The following FBLN7 variants were observed in gnomAD, a reference collection of about 807,000 sequenced individuals.
FBLN7 encodes fibulin-7.
FBLN7 carries 31 observed loss-of-function variants against 44.0 expected under a neutral mutation model. The ratio of observed to expected loss-of-function variants is 0.70; its 90% confidence interval spans 0.53 to 0.95. The LOEUF is 0.95. Among genes scored for constraint, FBLN7 ranks in the 40% least tolerant of loss-of-function variants. The probability of loss-of-function intolerance (pLI) is 0.00; values close to 1 mark genes in which losing one functional copy is unlikely to be tolerated. For synonymous variants in FBLN7, 262 were observed against 253.4 expected (o/e 1.03, Z -0.32); for missense variants, 573 against 618.5 (o/e 0.93, Z 0.78).
chr2:112,187,590 G>A lies in FBLN7; in HGVS notation c.*84G>A. On this transcript the variant is annotated 3_prime_UTR_variant, in exon 8 of 8. Coordinates refer to ENST00000331203, the MANE Select transcript of FBLN7 (RefSeq NM_153214.3). The surrounding 1 kb of genome is among the most constrained non-coding windows in gnomAD (Gnocchi z 5.1). ...CAGCTTCGGGCACCGACTGCGTGGA[G>A]CCTCCCGCCTGTTCCCGCCCTCTCA... 2 of 1,544,690 alleles carry A rather than the reference G, an allele frequency of 1.3e-6. No individual in the cohort carries two copies. The highest frequency in any genetic ancestry group is 1.8e-6 in the Non-Finnish European group (2 of 1,141,060).
At chr2:112,194,275 A>T in the FBLN7 span, among the ~76,000 whole-genome samples, 1 of 152,234 alleles carries the variant, frequency 6.6e-6, no homozygotes, top group Non-Finnish European at 1.5e-5. Context: ...GTAAACACTT[A>T]GAGATTTTCA....
chr2:112,144,546 A>T (rs1573760087), intron 1 of FBLN7, among the ~76,000 whole-genome samples: 2 of 119,798 alleles, frequency 1.7e-5, no homozygotes, highest in Non-Finnish European at 1.6e-5. Flanking sequence ...TTTTTTTGAG[A>T]CGGAGTCTTG....
chr2:112,156,266 T>A (rs1040728561), intron 1 of FBLN7, among the ~76,000 whole-genome samples: 1 of 152,054 alleles, frequency 6.6e-6, no homozygotes, highest in Non-Finnish European at 1.5e-5. Flanking sequence ...TCCATTGGGG[T>A]GGCCGGCGGG....
chr2:112,238,671 C>T, the FBLN7 span: 2 of 522,956 alleles, frequency 3.8e-6, no homozygotes, highest in Non-Finnish European at 6.3e-6. Context: ...CTATTCTCTC[C>T]ACTCATATAT....
At chr2:112,232,748 T>A in the FBLN7 span, among the ~76,000 whole-genome samples, 1 of 152,170 alleles carries the variant, frequency 6.6e-6, no homozygotes, top group Non-Finnish European at 1.5e-5. Context: ...AGAAAAAAAT[T>A]TTTTTGTGAT....
the FBLN7 span, among the ~76,000 whole-genome samples, chr2:112,240,129 T>C: frequency 1.2e-4 from 19 of 152,186 alleles, no homozygotes; most frequent in Non-Finnish European, 2.2e-4. Flanking sequence ...CTTTTCCCCA[T>C]TAACACCATA....
rs550835362 is a variant in FBLN7, at chr2:112,171,938, A to G, written c.407-3776A>G. Among the ~76,000 whole-genome samples the G allele has an allele frequency of 4.3e-3, 655 of 152,272 alleles. 4 individuals are homozygous for G. The highest frequency in any genetic ancestry group is 0.015 in the African/African-American group (604 of 41,556). On this transcript the variant is annotated intron_variant, in intron 3 of 7. Transcript: ENST00000331203. ...ATTTTTTTGTATTTTTAGTAAAGAC[A>G]GGGTTTCACCGTGTTAGCCAGGATG... is the stretch of plus-strand genomic sequence containing the variant.
At chr2:112,160,738 GCACA>G (rs3080965) in intron 2 of FBLN7, among the ~76,000 whole-genome samples, 13 of 135,348 alleles carry the variant, frequency 9.6e-5, no homozygotes, top group East Asian at 6.6e-4. Context: ...GCACGCACAC[GCACA>G]CACGCGCACG....
chr2:112,195,260 T>C, the FBLN7 span, among the ~76,000 whole-genome samples: 25 of 152,374 alleles, frequency 1.6e-4, no homozygotes, highest in African/African-American at 5.8e-4. Flanking sequence ...TCTAGTTTCT[T>C]AGCTCAGGGA....
At chr2:112,151,571 C>A (rs1244526062) in intron 1 of FBLN7, 1 of 152,240 alleles carries the variant, frequency 6.6e-6, no homozygotes, top group Non-Finnish European at 1.5e-5. Flanking sequence ...CACCATGGAG[C>A]TGACAGAATG....
At chr2:112,227,281 T>C in the FBLN7 span, among the ~76,000 whole-genome samples, 2 of 152,164 alleles carry the variant, frequency 1.3e-5, no homozygotes, top group Non-Finnish European at 2.9e-5. Flanking sequence ...TCCCAGCACT[T>C]TGGGAGGCCG....
At position 112,165,107 on chromosome 2, in the gene FBLN7, C is replaced by T. The variant is rs759204746; in HGVS notation, c.342C>T (p.Val114=). 3.7e-6 allele frequency: 6 copies of T among 1,614,054 alleles called. No individual in the cohort carries two copies. The highest frequency in any genetic ancestry group is 1.3e-5 in the African/African-American group (1 of 74,920). The change falls in exon 3 of 8, where the codon GTC becomes GTT. Residue 114 remains valine (V), a synonymous_variant. Transcript: ENST00000331203. ...HFTCNPGFRL[V]GPSSVVCLPN... The stretch of plus-strand genomic sequence containing the variant: ...CCTGCAACCCTGGGTTCCGGCTGGT[C>T]GGGCCCAGCAGCGTGGTGTGTCTTC...
chr2:112,184,631 G>T (rs1226352039), intron 6 of FBLN7, among the ~76,000 whole-genome samples: 2 of 149,622 alleles, frequency 1.3e-5, no homozygotes, highest in African/African-American at 2.5e-5. Context: ...TTTAAAAAAA[G>T]TGTGTGTATA....
the FBLN7 span, among the ~76,000 whole-genome samples, chr2:112,196,312 A>C: frequency 6.6e-6 from 1 of 151,870 alleles, no homozygotes; most frequent in African/African-American, 2.4e-5. Flanking sequence ...TGAGGAACAG[A>C]ACACATTTGA....
chr2:112,233,197 T>G, the FBLN7 span: 3 of 1,090,046 alleles, frequency 2.8e-6, no homozygotes, highest in African/African-American at 5.0e-5. Flanking sequence ...ATTAAAAATT[T>G]TGCACATTTA....
intron 4 of FBLN7, among the ~76,000 whole-genome samples, chr2:112,178,486 T>G (rs368445159): frequency 6.6e-6 from 1 of 152,210 alleles, no homozygotes; most frequent in South Asian, 2.1e-4. Flanking sequence ...GATGGACCTC[T>G]CCCCAACTTA....
At chr2:112,239,306 T>C in the FBLN7 span, among the ~76,000 whole-genome samples, 3 of 152,220 alleles carry the variant, frequency 2.0e-5, no homozygotes, top group African/African-American at 7.2e-5. Context: ...TTAAACTGTA[T>C]CATTATAATT....
At chr2:112,188,685 G>T (rs1683382687), downstream of FBLN7, 1 of 152,162 alleles carries the variant, frequency 6.6e-6, no homozygotes, top group African/African-American at 2.4e-5. Flanking sequence ...CTTTGTATTT[G>T]CCCTGGTATG....
chr2:112,241,121 A>G, the FBLN7 span, among the ~76,000 whole-genome samples: 1 of 152,108 alleles, frequency 6.6e-6, no homozygotes, highest in Non-Finnish European at 1.5e-5. Context: ...GGGCTTAGGT[A>G]CAGTGTGAGA....
Sources: allele counts gnomAD v4.1 joint callset (sites outside exome capture counted in the v4.1 genomes callset), GRCh38; gene constraint gnomAD v4.1.1; non-coding constraint Gnocchi (gnomAD v3.1); transcripts MANE v1.5; gene names NCBI Gene and HGNC (gene_info 2026-07-23, HGNC 2026-07-21).